Variants in ASIC4 observed in about 807,000 individuals in gnomAD.
ASIC4 encodes acid sensing ion channel subunit family member 4.
In ASIC4, 28 loss-of-function variants were observed where a neutral mutation model predicts 53.4. The observed-to-expected ratio is 0.52, with a 90% CI of 0.39 to 0.72. The LOEUF (loss-of-function observed/expected upper bound fraction) is 0.72. ASIC4 is among the 30% of genes least tolerant of loss of function. The pLI is 0.00. For missense variants in ASIC4, 649 were observed against 729.7 expected (o/e 0.89, Z 1.27); for synonymous variants, 289 against 301.4 (o/e 0.96, Z 0.43).
Position 219,538,222 on chromosome 2 carries a change from T to C in ASIC4, c.*176T>C. On this transcript the variant is annotated 3_prime_UTR_variant, in exon 10 of 10. Coordinates refer to ENST00000358078, the MANE Select transcript of ASIC4 (RefSeq NM_018674.6). ...AGCTGCTTTGCACAAAGGTCCTTCT[T>C]GTCCACACCCCTTATCCCCAGGCTG... The C allele has an allele frequency of 1.6e-6, 1 of 626,398 alleles. No individual in the cohort carries two copies. Among genetic ancestry groups the C allele is most frequent in the Admixed American group, 2.6e-5 (1 of 38,070 alleles). 38.8% of individuals were successfully genotyped at this position (626,398 alleles called of 1,614,324 possible). A position where few individuals can be genotyped will look rare whatever the true frequency, so the allele number is the denominator to read the frequency against.
At chr2:219,530,376 C>T (rs1261218463) in intron 1 of ASIC4, among the ~76,000 whole-genome samples, 7 of 152,080 alleles carry the variant, frequency 4.6e-5, no homozygotes, top group Admixed American at 3.3e-4. Context: ...GAGAACTCTC[C>T]GCAGAGGAAA....
At position 219,514,788 on chromosome 2, in the gene ASIC4, G is replaced by C; in HGVS notation, c.64G>C (p.Glu22Gln). 6.8e-6 allele frequency: 11 copies of C among 1,613,500 alleles called. No individual in the cohort carries two copies. The highest frequency in any genetic ancestry group is 9.3e-6 in the Non-Finnish European group (11 of 1,179,994). Residue 22 changes from glutamate to glutamine, a missense_variant, in exon 1 of 10, where the codon GAG (glutamate) becomes CAG (glutamine). Transcript: ENST00000358078. The part of the protein sequence containing the change: ...AEEDAKPKEK[E>Q]AGDEQSLLGA... ...GGAGGATGCGAAACCCAAGGAGAAG[G>C]AGGCAGGGGATGAGCAGAGCCTCCT...
chr2:219,514,856 C>T lies in ASIC4; in HGVS notation c.132C>T (p.Thr44=), dbSNP rs747596644. The T allele has an allele frequency of 6.2e-7, 1 of 1,613,068 alleles. No homozygotes were observed. The highest frequency in any genetic ancestry group is 8.5e-7 in the Non-Finnish European group (1 of 1,179,936). The change falls in exon 1 of 10, where the codon ACC becomes ACT. Residue 44 remains threonine (T), a synonymous_variant. Transcript: ENST00000358078. ...GAGCAGCCCCCCGAGACCTGGCCAC[C>T]TTTGCCAGCACCAGCACCCTGCATG... is the stretch of plus-strand genomic sequence containing the variant. ...APGAAPRDLA[T]FASTSTLHGL... is the part of the protein sequence containing the mutation.
upstream of ASIC4, among the ~76,000 whole-genome samples, chr2:219,511,703 C>T (rs1694703648): frequency 6.6e-6 from 1 of 152,012 alleles, no homozygotes; most frequent in African/African-American, 2.4e-5. This position sits in a 1 kb window ranked among gnomAD's most constrained non-coding sequence, Gnocchi z 5.3. Context: ...GGCAGCTGGT[C>T]CCCCGGGAGT....
intron 5 of ASIC4, among the ~76,000 whole-genome samples, chr2:219,534,812 T>C (rs889813025): frequency 6.8e-6 from 1 of 147,222 alleles, no homozygotes; most frequent in African/African-American, 2.5e-5. Context: ...CATCCATCCA[T>C]GCATGCATCC....
intron 1 of ASIC4, among the ~76,000 whole-genome samples, chr2:219,524,133 T>C (rs1001864860): frequency 6.6e-6 from 1 of 152,176 alleles, no homozygotes; most frequent in South Asian, 2.1e-4. Flanking sequence ...CATAAGTACT[T>C]TGAATGAATG....
the ASIC4 span, among the ~76,000 whole-genome samples, chr2:219,509,142 A>T: frequency 2.0e-5 from 3 of 151,976 alleles, no homozygotes; most frequent in African/African-American, 7.3e-5. The surrounding 1 kb of genome is among the most constrained non-coding windows in gnomAD (Gnocchi z 5.2). Flanking sequence ...CCAGGCTGCC[A>T]GGGGGCCCAG....
At chr2:219,507,166 A>T in the ASIC4 span, among the ~76,000 whole-genome samples, 1 of 152,028 alleles carries the variant, frequency 6.6e-6, no homozygotes, top group East Asian at 1.9e-4. Flanking sequence ...GCTGCTCGGG[A>T]GGAAGGCCCT....
chr2:219,524,821 C>T (rs1336598222), intron 1 of ASIC4, among the ~76,000 whole-genome samples: 1 of 152,212 alleles, frequency 6.6e-6, no homozygotes, highest in Non-Finnish European at 1.5e-5. Context: ...GCAGAGAGAG[C>T]CTGCAAGGTG....
chr2:219,514,172 C>G (rs895510270), upstream of ASIC4: 5 of 782,456 alleles, frequency 6.4e-6, no homozygotes, highest in East Asian at 8.5e-5. Flanking sequence ...ATCTGGGGAC[C>G]CAGTGAGCGG....
chr2:219,530,377 G>T (rs1462900407), intron 1 of ASIC4, among the ~76,000 whole-genome samples: 4 of 152,344 alleles, frequency 2.6e-5, no homozygotes, highest in African/African-American at 7.2e-5. Flanking sequence ...AGAACTCTCC[G>T]CAGAGGAAAA....
At chr2:219,527,469 T>C (rs1392450398) in intron 1 of ASIC4, among the ~76,000 whole-genome samples, 1 of 152,192 alleles carries the variant, frequency 6.6e-6, no homozygotes, top group African/African-American at 2.4e-5. Flanking sequence ...CTCGGTTCCA[T>C]GTAGCATGTG....
chr2:219,532,682 G>A, intron 4 of ASIC4: 1 of 833,392 alleles, frequency 1.2e-6, no homozygotes, highest in Non-Finnish European at 1.8e-6. Context: ...ATGCCTGTGT[G>A]CATGTTAATA....
chr2:219,507,813 C>A, the ASIC4 span, among the ~76,000 whole-genome samples: 2 of 151,930 alleles, frequency 1.3e-5, no homozygotes, highest in Non-Finnish European at 2.9e-5. Context: ...AGGAGGGGGT[C>A]CTGGCAGCAG....
chr2:219,532,656 G>A, intron 4 of ASIC4, 179 bp downstream of exon 4: 1 of 940,228 alleles, frequency 1.1e-6, no homozygotes, highest in Non-Finnish European at 1.6e-6. Flanking sequence ...ATGCATGTGG[G>A]AATGCCGGCA....
Position 219,537,944 on chromosome 2 carries a change from G to C in ASIC4, c.1518G>C (p.Pro506=), listed in dbSNP as rs766465097. The C allele has an allele frequency of 6.2e-7, 1 of 1,609,512 alleles. No homozygotes were observed. The highest frequency in any genetic ancestry group is 8.5e-7 in the Non-Finnish European group (1 of 1,178,056). Residue 506 remains proline, a synonymous_variant, in exon 10 of 10, where the codon CCG becomes CCC. Coordinates refer to ENST00000358078, the MANE Select transcript of ASIC4 (RefSeq NM_018674.6). The surrounding 1 kb of genome is among the most constrained non-coding windows in gnomAD (Gnocchi z 4.9). ...LQELKEQSPC[P]SRGRVEGGGV... is the part of the protein sequence containing the mutation. ...TCTTTCTCCTGCAGAGTCCCTGCCC[G>C]AGCCGGGGCCGAGTGGAGGGTGGGG... is the stretch of plus-strand genomic sequence containing the variant.
At chr2:219,520,165 C>A (rs1694863075) in intron 1 of ASIC4, among the ~76,000 whole-genome samples, 1 of 152,100 alleles carries the variant, frequency 6.6e-6, no homozygotes, top group South Asian at 2.1e-4. Flanking sequence ...CTCCCTCCCC[C>A]TCCCGACCCT....
upstream of ASIC4, among the ~76,000 whole-genome samples, chr2:219,509,176 C>G (rs1014597373): frequency 1.3e-5 from 2 of 152,162 alleles, no homozygotes; most frequent in African/African-American, 4.8e-5. This position sits in a 1 kb window ranked among gnomAD's most constrained non-coding sequence, Gnocchi z 5.2. Flanking sequence ...TCAATCCCCT[C>G]CCCCTGGCAC....
chr2:219,512,178 AC>A, upstream of ASIC4, among the ~76,000 whole-genome samples: 1 of 151,788 alleles, frequency 6.6e-6, no homozygotes, highest in South Asian at 2.1e-4. Context: ...CCCTCACAGC[AC>A]CCCCCGCATG....
Sources: allele counts gnomAD v4.1 joint callset (sites outside exome capture counted in the v4.1 genomes callset), GRCh38; gene constraint gnomAD v4.1.1; non-coding constraint Gnocchi (gnomAD v3.1); transcripts MANE v1.5; gene names NCBI Gene and HGNC (gene_info 2026-07-23, HGNC 2026-07-21).